Variants in SUGCT observed in about 807,000 individuals in gnomAD.
The protein encoded by SUGCT is succinyl-CoA:glutarate CoA-transferase.
SUGCT carries 41 observed loss-of-function variants against 55.0 expected under a neutral mutation model. The ratio of observed to expected loss-of-function variants is 0.74; its 90% CI spans 0.58 to 0.97. SUGCT has a LOEUF of 0.97. SUGCT is among the 50% of genes least tolerant of loss of function. The probability of loss-of-function intolerance (pLI) is 0.00; values close to 1 mark genes in which losing one functional copy is unlikely to be tolerated. For synonymous variants in SUGCT, 187 were observed against 200.4 expected (o/e 0.93, Z 0.56); for missense variants, 568 against 547.8 (o/e 1.04, Z -0.37).
chr7:40,687,366 G>T (rs932630394), intron 12 of SUGCT, among the ~76,000 whole-genome samples: 3 of 152,142 alleles, frequency 2.0e-5, no homozygotes, highest in African/African-American at 7.2e-5. Context: ...TCTGACACTG[G>T]TGGACTCTGT....
intron 9 of SUGCT, among the ~76,000 whole-genome samples, chr7:40,370,625 GGA>G (rs1338477034): frequency 7.1e-6 from 1 of 141,040 alleles, no homozygotes; most frequent in Non-Finnish European, 1.5e-5. Context: ...GAGAGATGGG[GGA>G]GAGAGAGAGT....
chr7:40,491,293 T>C (rs1046783067), intron 11 of SUGCT, among the ~76,000 whole-genome samples: 1 of 152,152 alleles, frequency 6.6e-6, no homozygotes, highest in Admixed American at 6.5e-5. Context: ...AGTCTGGGTG[T>C]GCGGAATCAA....
At chr7:40,283,145 G>A (rs2901707) in intron 8 of SUGCT, among the ~76,000 whole-genome samples, 96,556 of 151,826 alleles carry the variant, frequency 0.64, 31,030 homozygotes, top group Non-Finnish European at 0.7. Context: ...TCTGATAAGG[G>A]GTTGTTATCC....
At chr7:40,166,323 G>A (rs1562808733) in intron 1 of SUGCT, among the ~76,000 whole-genome samples, 1 of 152,126 alleles carries the variant, frequency 6.6e-6, no homozygotes. Flanking sequence ...GCAGGGAGTC[G>A]AATCCAGGCA....
intron 12 of SUGCT, among the ~76,000 whole-genome samples, chr7:40,500,773 A>AT (rs1212613279): frequency 6.6e-6 from 1 of 152,058 alleles, no homozygotes; most frequent in African/African-American, 2.4e-5. Context: ...TGAGCATCTT[A>AT]TTTTTTAAAA....
rs375368861 is a variant in SUGCT at position 40,409,028 on chromosome 7, A to G, written c.817-40259A>G. Reference sequence around the variant, plus strand: ...GGAAGCTGTGGTGCAGTCATGGCTCACTTGCAGCTTCTACCTCCCAGGCTC... The same window carrying G: ...GGAAGCTGTGGTGCAGTCATGGCTCGCTTGCAGCTTCTACCTCCCAGGCTC... On this transcript the variant is annotated intron_variant, in intron 9 of 13. Transcript: ENST00000335693. Among the ~76,000 whole-genome samples the G allele has an allele frequency of 4.0e-4, 61 of 152,152 alleles. 3 individuals carry two copies. In the East Asian group the frequency reaches 6.0e-3, roughly 15 times the overall value.
chr7:40,496,091 G>A (rs770306800), intron 11 of SUGCT, among the ~76,000 whole-genome samples, 193 bp from the exon 12 acceptor site: 9 of 152,146 alleles, frequency 5.9e-5, no homozygotes, highest in Non-Finnish European at 4.4e-5. Context: ...TAGCACCTGG[G>A]TGGCTACTCT....
intron 12 of SUGCT, among the ~76,000 whole-genome samples, chr7:40,694,992 T>G (rs2128655203): frequency 6.6e-6 from 1 of 152,214 alleles, no homozygotes; most frequent in Non-Finnish European, 1.5e-5. Context: ...AGCTATCCCC[T>G]TTGTTTTATG....
At chr7:40,234,058 T>C (rs1467237874) in intron 6 of SUGCT, among the ~76,000 whole-genome samples, 8 of 152,224 alleles carry the variant, frequency 5.3e-5, no homozygotes, top group Non-Finnish European at 1.5e-5. Flanking sequence ...TGTCTCTCCC[T>C]TGTTCTAAGC....
At chr7:40,890,460 C>A in the SUGCT span, among the ~76,000 whole-genome samples, 1 of 149,170 alleles carries the variant, frequency 6.7e-6, no homozygotes, top group African/African-American at 2.5e-5. Flanking sequence ...GCTCTTGGCT[C>A]ACCCCCATGG....
In SUGCT at chr7:40,557,771, T is replaced by TA. The variant is rs34029032; in HGVS notation, c.1089+61400dup. Among the ~76,000 whole-genome samples the TA allele has an allele frequency of 1.3e-3, 146 of 115,732 alleles. No homozygotes were observed. The South Asian group carries it at 0.013, about 10-fold the overall frequency. The allele number at this position is 115,732 out of a possible 152,430, so 75.9% of individuals were successfully genotyped here. On this transcript the variant is annotated intron_variant, in intron 12 of 13. Coordinates refer to ENST00000335693, the MANE Select transcript of SUGCT (RefSeq NM_001193313.2). ...CTAGGTGACAGAGTGAGACTCTGTC[T>TA]AAAAAAAAAAAAAAAGAAAAAAGAA... is the stretch of plus-strand genomic sequence containing the variant.
rs1792322791 is a variant in SUGCT at position 40,274,401 on chromosome 7, GCA to G, written c.577-109_577-108del. ...TTAACTTTCTTGTGTGTATGTGTCT[GCA>G]CAGTTAATAGACAATTCTTTTTTCT... On this transcript the variant is annotated intron_variant, in intron 7 of 13. Transcript: ENST00000335693. 4 of 1,123,354 alleles carry G rather than the reference GCA, an allele frequency of 3.6e-6. No homozygotes were observed. The South Asian group carries it at 6.6e-5, about 19-fold the overall frequency. The allele number at this position is 1,123,354 out of a possible 1,614,324, so 69.6% of individuals were successfully genotyped here.
chr7:40,157,626 C>T (rs2150631030), intron 1 of SUGCT, among the ~76,000 whole-genome samples: 1 of 152,220 alleles, frequency 6.6e-6, no homozygotes, highest in East Asian at 1.9e-4. Context: ...TGTATGTATA[C>T]TTCAGGTTTA....
At chr7:40,856,262 GT>G (rs920665583) in intron 13 of SUGCT, among the ~76,000 whole-genome samples, 14 of 152,196 alleles carry the variant, frequency 9.2e-5, no homozygotes, top group Admixed American at 3.9e-4. Context: ...TTCATATGAA[GT>G]TTTTTTGTTT....
At position 40,316,855 on chromosome 7, in the gene SUGCT, G is replaced by A; in HGVS notation, c.816G>A (p.Gln272=). Residue 272 remains glutamine (Q), a splice_region_variant and synonymous_variant, in exon 9 of 14, where the codon CAG becomes CAA. Coordinates refer to ENST00000335693, the MANE Select transcript of SUGCT (RefSeq NM_001193313.2). The part of the protein sequence containing the change: ...GTAHGSIVPY[Q]AFKTKDGYIV... ...CTCATGGCAGTATCGTTCCTTACCA[G>A]GTAAGACTACAGCAGTCTAGGGTTG... The A allele has an allele frequency of 6.4e-7, 1 of 1,561,470 alleles. No homozygotes were observed.
intron 11 of SUGCT, among the ~76,000 whole-genome samples, chr7:40,495,201 C>T (rs891258416): frequency 6.6e-6 from 1 of 151,308 alleles, no homozygotes; most frequent in Admixed American, 6.6e-5. Flanking sequence ...TGTGAGCCAC[C>T]ACGCCCGGCT....
intron 9 of SUGCT, among the ~76,000 whole-genome samples, chr7:40,386,042 A>T (rs1305291313): frequency 6.6e-6 from 1 of 152,224 alleles, no homozygotes; most frequent in Non-Finnish European, 1.5e-5. Context: ...AAGAAGTAAG[A>T]GTAAAGAAAT....
At chr7:40,691,454 A>G (rs1784698154) in intron 12 of SUGCT, among the ~76,000 whole-genome samples, 1 of 152,204 alleles carries the variant, frequency 6.6e-6, no homozygotes, top group Non-Finnish European at 1.5e-5. Context: ...AGCATGATCA[A>G]TAATTCTTCC....
chr7:40,195,203 A>G, intron 6 of SUGCT, 143 bp downstream of exon 6: 6 of 835,374 alleles, frequency 7.2e-6, no homozygotes, highest in Non-Finnish European at 8.6e-6. Flanking sequence ...AGGTTGCTGA[A>G]CTTACTTTTT....
Sources: gnomAD v4.1 joint callset for allele counts (sites outside exome capture counted in the v4.1 genomes callset) on GRCh38, gnomAD v4.1.1 for gene constraint, MANE v1.5 for transcripts, NCBI Gene and HGNC (gene_info 2026-07-23, HGNC 2026-07-21) for gene names.